Variants in MCTP2 observed in about 807,000 individuals in gnomAD.
MCTP2 encodes multiple C2 and transmembrane domain containing 2, also known as multiple C2 and transmembrane domain-containing protein 2.
In MCTP2, 132 loss-of-function variants were observed where a neutral mutation model predicts 111.6. The observed-to-expected ratio is 1.18, with a 90% CI of 1.03 to 1.37. The LOEUF (loss-of-function observed/expected upper bound fraction) is 1.37. Ranked by LOEUF, MCTP2 falls within the 40% of genes most tolerant of loss-of-function variation. The pLI, the probability that MCTP2 is intolerant of heterozygous loss-of-function variation, is 0.00. For missense variants in MCTP2, 1,183 were observed against 1,067.9 expected, an observed-to-expected ratio of 1.11 and a Z score of -1.50; for synonymous variants, 395 against 387.7, an observed-to-expected ratio of 1.02 and a Z score of -0.22.
intron 4 of MCTP2, among the ~76,000 whole-genome samples, chr15:94,317,578 C>T (rs1305639903): frequency 6.6e-6 from 1 of 152,228 alleles, no homozygotes; most frequent in Admixed American, 6.5e-5. Context: ...CTGAGCTGCA[C>T]TGGCCATCTT....
At position 94,402,028 on chromosome 15, in the gene MCTP2, CCTTT is replaced by C. The variant is rs908833745; in HGVS notation, c.2085+13_2085+16del. The C allele has an allele frequency of 3.0e-5, 48 of 1,608,884 alleles. 1 individual carries two copies. The highest frequency in any genetic ancestry group is 7.6e-6 in the Non-Finnish European group (9 of 1,178,348). On this transcript the variant is annotated intron_variant, in intron 17 of 22. Coordinates refer to ENST00000357742, the MANE Select transcript of MCTP2 (RefSeq NM_001385001.1). ...GTACAATAGCATTCGCGGTAAGCTT[CCTTT>C]CTTATGTTCAAACTATTTGCTTCTT...
chr15:94,402,313 G>T (rs540019502), intron 17 of MCTP2: 1 of 984,982 alleles, frequency 1.0e-6, no homozygotes, highest in East Asian at 1.1e-4. Flanking sequence ...CTGTGCCAGT[G>T]ACCGCCCATA....
chr15:94,310,491 A>G (rs1465127018), intron 2 of MCTP2, among the ~76,000 whole-genome samples: 3 of 151,836 alleles, frequency 2.0e-5, no homozygotes, highest in African/African-American at 7.3e-5. Flanking sequence ...TTTTAAGTAA[A>G]TTTTTTTTAA....
At chr15:94,329,053 G>A (rs2077020171) in intron 4 of MCTP2, among the ~76,000 whole-genome samples, 1 of 152,162 alleles carries the variant, frequency 6.6e-6, no homozygotes, top group Non-Finnish European at 1.5e-5. Context: ...CCCAGCACAA[G>A]GCAGAAGCTG....
At chr15:94,440,749 A>G (rs1258770352) in intron 18 of MCTP2, among the ~76,000 whole-genome samples, 3 of 152,208 alleles carry the variant, frequency 2.0e-5, no homozygotes, top group Non-Finnish European at 4.4e-5. Context: ...AGATTCCCAG[A>G]GGCTTGTCAA....
At chr15:94,290,928 A>G (rs1596280415) in intron 1 of MCTP2, among the ~76,000 whole-genome samples, 1 of 152,236 alleles carries the variant, frequency 6.6e-6, no homozygotes, top group East Asian at 1.9e-4. Flanking sequence ...AACTGAAAGG[A>G]GAAGTAGAGA....
intron 1 of MCTP2, among the ~76,000 whole-genome samples, chr15:94,261,130 C>T (rs542946580): frequency 1.3e-5 from 2 of 152,258 alleles, no homozygotes; most frequent in East Asian, 3.9e-4. Context: ...ACCCCTGCTT[C>T]AAGTTGTCCC....
Position 94,315,859 on chromosome 15 carries a change from G to A in MCTP2, c.637+222G>A, listed in dbSNP as rs143311478. On this transcript the variant is annotated intron_variant, in intron 4 of 22. Transcript: ENST00000357742. Reference sequence around the variant, plus strand: ...TTAGGTTAATGATACGAATCATCACGTGAAGTTGTTTTAGAATGGAATGAG... The same window carrying A: ...TTAGGTTAATGATACGAATCATCACATGAAGTTGTTTTAGAATGGAATGAG... Among the ~76,000 whole-genome samples, 237 of 152,262 alleles carry A rather than the reference G, an allele frequency of 1.6e-3. 3 individuals carry two copies. The highest frequency in any genetic ancestry group is 5.5e-3 in the African/African-American group (229 of 41,550).
At position 94,402,019 on chromosome 15, in the gene MCTP2, G is replaced by A. The variant is rs753416847; in HGVS notation, c.2085G>A (p.Ala695=). 32 of 1,608,148 alleles carry A rather than the reference G, an allele frequency of 2.0e-5. No homozygotes were observed. The highest frequency in any genetic ancestry group is 1.6e-4 in the East Asian group (7 of 44,754). The part of the protein sequence containing the change: ...ESTLRSTIAF[A]VFLITVWNFE... Reference sequence around the variant, plus strand: ...CATTAAGAAGTACAATAGCATTCGCGGTAAGCTTCCTTTCTTATGTTCAAA... The same window carrying A: ...CATTAAGAAGTACAATAGCATTCGCAGTAAGCTTCCTTTCTTATGTTCAAA... The change falls in exon 17 of 23, where the codon GCG becomes GCA. Residue 695 remains alanine (A), a splice_region_variant and synonymous_variant. Transcript: ENST00000357742.
chr15:94,338,135 T>C (rs543823456), intron 4 of MCTP2, among the ~76,000 whole-genome samples: 1 of 152,236 alleles, frequency 6.6e-6, no homozygotes, highest in Non-Finnish European at 1.5e-5. Flanking sequence ...GGCTTGACGT[T>C]GCTATCAGCA....
rs2084952633 is a variant in MCTP2, at chr15:94,458,139, A to G, written c.2253A>G (p.Glu751=). The G allele has an allele frequency of 3.8e-6, 6 of 1,575,540 alleles. No individual in the cohort carries two copies. Among genetic ancestry groups the G allele is most frequent in the Non-Finnish European group, 5.2e-6 (6 of 1,145,474 alleles). ...IDDEEDEDDK[E]SEKKGLIERI... ...AATCTTGCTTTTATGTTTTCTAGGA[A>G]TCTGAGAAAAAGGGGTTGATTGAAA... The change falls in exon 20 of 23, where the codon GAA becomes GAG. Residue 751 remains glutamate, a splice_region_variant and synonymous_variant. Coordinates refer to ENST00000357742, the MANE Select transcript of MCTP2 (RefSeq NM_001385001.1).
chr15:94,346,266 AC>A (rs1161107862), intron 8 of MCTP2, among the ~76,000 whole-genome samples: 6 of 152,292 alleles, frequency 3.9e-5, no homozygotes, highest in Non-Finnish European at 8.8e-5. Context: ...TAAAAGATAT[AC>A]CCTTTGCATT....
Position 94,298,212 on chromosome 15 carries a change from G to A in MCTP2, c.-54G>A. ...TTTCTGTTTTATAGGAGTCATTGCA[G>A]TTTTCAGTAGAGGTGTACTTCTGAG... On this transcript the variant is annotated 5_prime_UTR_variant, in exon 2 of 23. Transcript: ENST00000357742. 2 of 1,331,368 alleles carry A rather than the reference G, an allele frequency of 1.5e-6. No homozygotes were observed. Among genetic ancestry groups the A allele is most frequent in the Non-Finnish European group, 2.0e-6 (2 of 996,732 alleles). 82.5% of individuals were successfully genotyped at this position (1,331,368 alleles called of 1,614,324 possible).
At chr15:94,267,314 C>T (rs1197997151) in intron 1 of MCTP2, among the ~76,000 whole-genome samples, 1 of 152,062 alleles carries the variant, frequency 6.6e-6, no homozygotes, top group African/African-American at 2.4e-5. Context: ...TCATACAGTA[C>T]GTTTGCTTTT....
At chr15:94,304,627 TAGG>T (rs2075797805) in intron 2 of MCTP2, among the ~76,000 whole-genome samples, 1 of 152,210 alleles carries the variant, frequency 6.6e-6, no homozygotes, top group Non-Finnish European at 1.5e-5. Context: ...AGTCAGCCTT[TAGG>T]AGAAGTCACA....
chr15:94,277,416 A>G (rs1293025452), intron 1 of MCTP2, among the ~76,000 whole-genome samples: 2 of 152,208 alleles, frequency 1.3e-5, no homozygotes, highest in African/African-American at 4.8e-5. Flanking sequence ...AGAAAGTGGA[A>G]GCAGCCCAGA....
intron 19 of MCTP2, among the ~76,000 whole-genome samples, chr15:94,452,074 G>A (rs1379582596): frequency 6.6e-6 from 1 of 152,156 alleles, no homozygotes; most frequent in African/African-American, 2.4e-5. Context: ...CACCAAGCTA[G>A]TAGATGTCAG....
chr15:94,394,129 A>T (rs145735279), intron 14 of MCTP2, among the ~76,000 whole-genome samples: 2 of 151,896 alleles, frequency 1.3e-5, no homozygotes, highest in Admixed American at 6.6e-5. Flanking sequence ...TTCAATTATG[A>T]TCATGATGGT....
At position 94,243,280 on chromosome 15, in the gene MCTP2, C is replaced by T. The variant is rs149111998; in HGVS notation, c.-66+11616C>T. Reference sequence around the variant, plus strand: ...ATACATACATACGTATGCGTACATACGTATGCGTATATGCATATATACATA... The same window carrying T: ...ATACATACATACGTATGCGTACATATGTATGCGTATATGCATATATACATA... On this transcript the variant is annotated intron_variant, in intron 1 of 22. Transcript: ENST00000357742. Among the ~76,000 whole-genome samples, 133 of 147,036 alleles carry T rather than the reference C, an allele frequency of 9.0e-4. 3 individuals are homozygous for T. In the Middle Eastern group the frequency reaches 0.019, roughly 21 times the overall value.
Sources: allele counts gnomAD v4.1 joint callset (sites outside exome capture counted in the v4.1 genomes callset), GRCh38; gene constraint gnomAD v4.1.1; transcripts MANE v1.5; gene names NCBI Gene and HGNC (gene_info 2026-07-23, HGNC 2026-07-21).